The following PCSK6 variants were observed in gnomAD, a reference collection of about 807,000 sequenced individuals.
The protein encoded by PCSK6 is proprotein convertase subtilisin/kexin type 6, also known as paired basic amino acid cleaving enzyme 4.
Under a neutral mutation model 123.3 loss-of-function variants are expected in PCSK6, and 85 were observed. That is an observed-to-expected ratio of 0.69 (90% CI 0.58 to 0.83). The LOEUF (loss-of-function observed/expected upper bound fraction) is 0.83, where lower values mean the gene tolerates loss of function less well. Ranked by LOEUF, PCSK6 falls within the 40% of genes least tolerant of loss-of-function variation. The pLI is 0.00. For synonymous variants in PCSK6, 508 were observed against 516.0 expected (o/e 0.98, Z 0.21); for missense variants, 1,191 against 1,282.3 (o/e 0.93, Z 1.09).
In PCSK6 at chr15:101,377,938, T is replaced by C. The variant is rs576199972; in HGVS notation, c.1532+4154A>G. Among the ~76,000 whole-genome samples, 66 of 152,346 alleles carry C rather than the reference T, an allele frequency of 4.3e-4. 1 individual carries two copies. Among genetic ancestry groups the C allele is most frequent in the Admixed American group, 2.7e-3 (41 of 15,308 alleles). ...AAGACGTGCAGGTAAGTTATCGCTT[T>C]GTGTTGGTTTAAAAGACCCTGTTGT... is the stretch of plus-strand genomic sequence containing the variant. On this transcript the variant is annotated intron_variant, in intron 11 of 21. Coordinates refer to ENST00000611716, the MANE Select transcript of PCSK6 (RefSeq NM_002570.5).
At chr15:101,403,022 A>G (rs1409950462) in intron 6 of PCSK6, among the ~76,000 whole-genome samples, 1 of 152,194 alleles carries the variant, frequency 6.6e-6, no homozygotes, top group Non-Finnish European at 1.5e-5. Context: ...GAACCAACCC[A>G]AATGTCCAAC....
intron 21 of PCSK6, 144 bp downstream of exon 21, chr15:101,307,069 C>A: frequency 1.6e-6 from 1 of 643,032 alleles, no homozygotes. Flanking sequence ...CTAGAGGAAT[C>A]CCAGACAGTC....
intron 1 of PCSK6, among the ~76,000 whole-genome samples, chr15:101,465,493 T>G (rs1262138755): frequency 2.0e-5 from 3 of 152,210 alleles, no homozygotes; most frequent in Non-Finnish European, 4.4e-5. Context: ...CAGGAACGGC[T>G]GAGGCTCCAC....
chr15:101,403,305 A>T (rs1470291290), intron 6 of PCSK6, among the ~76,000 whole-genome samples: 1 of 149,236 alleles, frequency 6.7e-6, no homozygotes, highest in East Asian at 2.0e-4. Context: ...TAGCATTAGG[A>T]GATATACCTA....
intron 1 of PCSK6, among the ~76,000 whole-genome samples, chr15:101,476,878 G>C (rs1206378595): frequency 6.6e-6 from 1 of 152,196 alleles, no homozygotes; most frequent in Non-Finnish European, 1.5e-5. Context: ...ATGTTACCAA[G>C]TGTGGACCCT....
At chr15:101,488,289 G>C (rs2058067263) in intron 1 of PCSK6, among the ~76,000 whole-genome samples, 1 of 152,096 alleles carries the variant, frequency 6.6e-6, no homozygotes, top group Non-Finnish European at 1.5e-5. Flanking sequence ...TAACTGCACT[G>C]AGAGGTCCCC....
chr15:101,463,023 C>A, intron 1 of PCSK6: 1 of 460,782 alleles, frequency 2.2e-6, no homozygotes, highest in Non-Finnish European at 4.4e-6. Flanking sequence ...GTTGTCTCTG[C>A]AGATGGTGGG....
intron 13 of PCSK6, among the ~76,000 whole-genome samples, chr15:101,361,993 A>G (rs543410570): frequency 1.2e-4 from 15 of 121,832 alleles, no homozygotes; most frequent in Non-Finnish European, 2.1e-4. Flanking sequence ...GTCTTGCTCT[A>G]TCATCCAGGC....
chr15:101,393,475 G>A, intron 7 of PCSK6, 51 bp from the exon 8 acceptor site: 1 of 1,471,080 alleles, frequency 6.8e-7, no homozygotes. Flanking sequence ...ACCTCGTAGG[G>A]TGGGTCTCCC....
chr15:101,479,399 A>G (rs1388828040), intron 1 of PCSK6, among the ~76,000 whole-genome samples: 1 of 152,264 alleles, frequency 6.6e-6, no homozygotes, highest in African/African-American at 2.4e-5. Context: ...GGGGCTCTGA[A>G]GAATCCTACG....
In PCSK6 at chr15:101,489,437, C is replaced by T; in HGVS notation, c.234G>A (p.Val78=). 1 of 1,255,966 alleles carries T rather than the reference C, an allele frequency of 8.0e-7. No homozygotes were observed. Among genetic ancestry groups the T allele is most frequent in the Non-Finnish European group, 1.0e-6 (1 of 988,448 alleles). 77.8% of individuals were successfully genotyped at this position (1,255,966 alleles called of 1,614,324 possible). ...GGTCCGCCTCGGCCGGGCCGCCCAG[C>T]ACTTGCACCGCCCAGTGGTTGGTGT... ...PVYTNHWAVQ[V]LGGPAEADRV... is the part of the protein sequence containing the mutation. Residue 78 remains valine, a synonymous_variant, in exon 1 of 22, where the codon GTG becomes GTA. Transcript: ENST00000611716.
At chr15:101,385,674 G>A (rs1245956373) in intron 9 of PCSK6, among the ~76,000 whole-genome samples, 2 of 152,146 alleles carry the variant, frequency 1.3e-5, no homozygotes, top group South Asian at 2.1e-4. Flanking sequence ...TAAGAGCATT[G>A]TTCCTTTCTT....
intron 11 of PCSK6, among the ~76,000 whole-genome samples, chr15:101,379,104 GC>G (rs1386264863): frequency 1.3e-5 from 2 of 152,244 alleles, no homozygotes; most frequent in Non-Finnish European, 2.9e-5. Context: ...GTCATTCGGG[GC>G]CCTGGATGCA....
intron 10 of PCSK6, 29 bp from the exon 11 acceptor site, chr15:101,382,238 CT>C: frequency 6.7e-7 from 1 of 1,486,696 alleles, no homozygotes; most frequent in Non-Finnish European, 9.2e-7. Flanking sequence ...CAGAGCCAGG[CT>C]CTCCTGCCTC....
chr15:101,432,155 G>A (rs570198507), intron 2 of PCSK6, 55 bp from the exon 3 acceptor site: 1 of 1,450,948 alleles, frequency 6.9e-7, no homozygotes, highest in African/African-American at 1.4e-5. Context: ...TTGATTTTAT[G>A]TAGCCTCTTT....
intron 1 of PCSK6, among the ~76,000 whole-genome samples, chr15:101,472,334 C>T (rs535513573): frequency 2.0e-5 from 3 of 152,356 alleles, no homozygotes; most frequent in East Asian, 1.9e-4. Flanking sequence ...GCATTGAAAA[C>T]GGGTTGGGCA....
At chr15:101,412,714 A>ATATATATATATATATATATATAT (rs1326677557) in intron 6 of PCSK6, among the ~76,000 whole-genome samples, 1 of 113,848 alleles carries the variant, frequency 8.8e-6, no homozygotes, top group Non-Finnish European at 1.9e-5. Flanking sequence ...TATATATATA[A>ATATATATATATATATATATATAT]AATTACCCAA....
intron 16 of PCSK6, 53 bp from the exon 17 acceptor site, chr15:101,325,099 CAGGCCT>C: frequency 3.7e-6 from 5 of 1,345,010 alleles, no homozygotes; most frequent in Non-Finnish European, 5.1e-6. Flanking sequence ...GCCCCAGCCC[CAGGCCT>C]GCCCCTTTGT....
At chr15:101,486,503 A>G (rs886199172) in intron 1 of PCSK6, among the ~76,000 whole-genome samples, 3 of 152,204 alleles carry the variant, frequency 2.0e-5, no homozygotes, top group Non-Finnish European at 4.4e-5. Context: ...CGATAATGAC[A>G]TTGGACACTT....
Sources: gnomAD v4.1 joint callset for allele counts (sites outside exome capture counted in the v4.1 genomes callset) on GRCh38, gnomAD v4.1.1 for gene constraint, MANE v1.5 for transcripts, NCBI Gene and HGNC (gene_info 2026-07-23, HGNC 2026-07-21) for gene names.